FBXL7: variants seen among roughly 807,000 people sequenced by gnomAD.
The protein encoded by FBXL7 is F-box and leucine rich repeat protein 7.
Under a neutral mutation model 38.3 loss-of-function variants are expected in FBXL7, and 12 were observed. The ratio of observed to expected loss-of-function variants is 0.31; its 90% confidence interval spans 0.20 to 0.51. FBXL7 has a LOEUF of 0.51. FBXL7 is among the 20% of genes least tolerant of loss of function. The pLI is 0.98. For missense variants in FBXL7, 567 were observed against 676.4 expected, an observed-to-expected ratio of 0.84 and a Z score of 1.79; for synonymous variants, 297 against 300.9, an observed-to-expected ratio of 0.99 and a Z score of 0.13.
chr5:15,761,909 G>T (rs1230082339), intron 2 of FBXL7, among the ~76,000 whole-genome samples: 1 of 152,150 alleles, frequency 6.6e-6, no homozygotes, highest in East Asian at 1.9e-4. Flanking sequence ...GAAATTGTGG[G>T]TTCTCAATAC....
intron 2 of FBXL7, among the ~76,000 whole-genome samples, chr5:15,824,148 T>C (rs1738244277): frequency 6.6e-6 from 1 of 151,138 alleles, no homozygotes; most frequent in South Asian, 2.1e-4. Flanking sequence ...ATATAAAAAT[T>C]AGCTGGGCGT....
intron 2 of FBXL7, among the ~76,000 whole-genome samples, chr5:15,665,413 T>A (rs1236471498): frequency 6.6e-6 from 1 of 152,208 alleles, no homozygotes; most frequent in Admixed American, 6.5e-5. Context: ...CTTCCTCCTG[T>A]GATCTGCCAA....
At position 15,600,159 on chromosome 5, in the gene FBXL7, G is replaced by A. The variant is rs1361589562; in HGVS notation, c.38-15824G>A. On this transcript the variant is annotated intron_variant, in intron 1 of 3. Coordinates refer to ENST00000504595, the MANE Select transcript of FBXL7 (RefSeq NM_012304.5). The stretch of plus-strand genomic sequence containing the variant: ...CAGCCATCTGTTGTCAAAAGGTGAA[G>A]CAGAGGACATGAAAACCTTCACTGC... Among the ~76,000 whole-genome samples the A allele has an allele frequency of 2.6e-5, 4 of 152,222 alleles. No individual in the cohort carries two copies. In the East Asian group the frequency reaches 7.7e-4, roughly 29 times the overall value.
At chr5:15,902,576 G>T (rs765932677) in intron 2 of FBXL7, among the ~76,000 whole-genome samples, 3 of 152,140 alleles carry the variant, frequency 2.0e-5, no homozygotes, top group Non-Finnish European at 4.4e-5. Flanking sequence ...CCAGTGTATG[G>T]CTCCATTGGT....
At chr5:15,770,078 A>G (rs1265881598) in intron 2 of FBXL7, among the ~76,000 whole-genome samples, 2 of 152,216 alleles carry the variant, frequency 1.3e-5, no homozygotes, top group Admixed American at 6.5e-5. Flanking sequence ...ATCACAGACT[A>G]TTAAAGCCAG....
chr5:15,501,892 G>T (rs1296196993), intron 1 of FBXL7, among the ~76,000 whole-genome samples: 1 of 146,566 alleles, frequency 6.8e-6, no homozygotes, highest in African/African-American at 2.5e-5. Flanking sequence ...GTGTGTGTGT[G>T]TATCTATGTA....
At chr5:15,747,301 G>A (rs1228384478) in intron 2 of FBXL7, among the ~76,000 whole-genome samples, 1 of 152,154 alleles carries the variant, frequency 6.6e-6, no homozygotes, top group Non-Finnish European at 1.5e-5. Context: ...TTTCATGGTG[G>A]TACGGCTCTA....
Position 15,503,839 on chromosome 5 carries a change from G to A in FBXL7, c.37+3126G>A, listed in dbSNP as rs1258142746. On this transcript the variant is annotated intron_variant, in intron 1 of 3. Transcript: ENST00000504595. ...TTACTTATTAATGACAGTTGACATCGCTGTGCAAATGTTTGTTGAATATTA... is the reference window on the plus strand; with the variant it reads ...TTACTTATTAATGACAGTTGACATCACTGTGCAAATGTTTGTTGAATATTA... Among the ~76,000 whole-genome samples, 5 of 152,288 alleles carry A rather than the reference G, an allele frequency of 3.3e-5. No individual in the cohort carries two copies. The Middle Eastern group carries it at 0.01, about 311-fold the overall frequency.
intron 2 of FBXL7, among the ~76,000 whole-genome samples, chr5:15,834,248 T>C (rs962852668): frequency 2.0e-5 from 3 of 152,218 alleles, no homozygotes; most frequent in African/African-American, 7.2e-5. Flanking sequence ...AACGTAACTT[T>C]GTTTTAATCA....
Position 15,927,997 on chromosome 5 carries a change from T to C in FBXL7, c.235T>C (p.Ser79Pro). Residue 79 changes from serine to proline, a missense_variant, in exon 3 of 4, where the codon TCC (serine) becomes CCC (proline). Transcript: ENST00000504595. Reference protein sequence around the residue: ...NGRGSSTSSSSITGETVAMVH... With the variant: ...NGRGSSTSSSPITGETVAMVH... Reference sequence around the variant, plus strand: ...AAGGGGCTCGTCCACCTCCTCGTCCTCCATCACCGGGGAGACGGTGGCCAT... The same window carrying C: ...AAGGGGCTCGTCCACCTCCTCGTCCCCCATCACCGGGGAGACGGTGGCCAT... The C allele has an allele frequency of 6.2e-7, 1 of 1,601,864 alleles. No individual in the cohort carries two copies. Among genetic ancestry groups the C allele is most frequent in the Non-Finnish European group, 8.5e-7 (1 of 1,172,608 alleles).
intron 1 of FBXL7, among the ~76,000 whole-genome samples, chr5:15,562,186 C>T (rs1738432943): frequency 6.6e-6 from 1 of 152,072 alleles, no homozygotes; most frequent in Non-Finnish European, 1.5e-5. Context: ...GGGAAAATCT[C>T]CTTGATATTG....
chr5:15,644,057 G>C (rs78669646), intron 2 of FBXL7, among the ~76,000 whole-genome samples: 1 of 152,192 alleles, frequency 6.6e-6, no homozygotes, highest in Non-Finnish European at 1.5e-5. Flanking sequence ...TCCTTGCCAA[G>C]TCTGTCCTCC....
At chr5:15,764,352 T>C (rs573661930) in intron 2 of FBXL7, among the ~76,000 whole-genome samples, 12 of 152,346 alleles carry the variant, frequency 7.9e-5, no homozygotes, top group Non-Finnish European at 1.5e-4. Flanking sequence ...AATGCAAGTA[T>C]AGAGAGATGT....
At chr5:15,503,122 C>A (rs1334360700) in intron 1 of FBXL7, among the ~76,000 whole-genome samples, 1 of 152,106 alleles carries the variant, frequency 6.6e-6, no homozygotes, top group East Asian at 1.9e-4. Flanking sequence ...GGCTTATGTA[C>A]CTGTAACAAT....
At chr5:15,923,822 A>G (rs551434983) in intron 2 of FBXL7, among the ~76,000 whole-genome samples, 1 of 152,242 alleles carries the variant, frequency 6.6e-6, no homozygotes, top group East Asian at 1.9e-4. Context: ...AAAGAGTGAC[A>G]GGTTTTAGAA....
intron 2 of FBXL7, among the ~76,000 whole-genome samples, chr5:15,697,384 T>C (rs1263957831): frequency 6.6e-6 from 1 of 152,122 alleles, no homozygotes; most frequent in Admixed American, 6.5e-5. Flanking sequence ...GAATGACACA[T>C]TTTGAGGACA....
At chr5:15,789,000 G>A (rs1360810101) in intron 2 of FBXL7, among the ~76,000 whole-genome samples, 3 of 151,678 alleles carry the variant, frequency 2.0e-5, no homozygotes, top group South Asian at 2.1e-4. Context: ...ACAGGTGCCC[G>A]CCACCGCGCC....
intron 2 of FBXL7, among the ~76,000 whole-genome samples, chr5:15,815,652 A>G (rs1405064479): frequency 1.3e-5 from 2 of 152,172 alleles, no homozygotes; most frequent in South Asian, 2.1e-4. Context: ...GAAATAAAAT[A>G]CAGGATTTAT....
chr5:15,652,223 C>T (rs1046547463), intron 2 of FBXL7, among the ~76,000 whole-genome samples: 3 of 152,182 alleles, frequency 2.0e-5, no homozygotes, highest in African/African-American at 7.2e-5. Flanking sequence ...ATTTCACTAT[C>T]TTATCATTTG....
Sources: gnomAD v4.1 joint callset for allele counts (sites outside exome capture counted in the v4.1 genomes callset) on GRCh38, gnomAD v4.1.1 for gene constraint, MANE v1.5 for transcripts, NCBI Gene and HGNC (gene_info 2026-07-23, HGNC 2026-07-21) for gene names.